FAAH2: variants seen among roughly 807,000 people sequenced by gnomAD.
The protein encoded by FAAH2 is fatty-acid amide hydrolase 2.
In FAAH2, 60 loss-of-function variants were observed where a neutral mutation model predicts 36.9. The observed-to-expected ratio is 1.63, with a 90% confidence interval of 1.32 to 2.02. The LOEUF is 2.02. FAAH2 is among the 30% of genes most tolerant of loss of function. The pLI is 0.00. For missense variants in FAAH2, 689 were observed against 397.5 expected, an observed-to-expected ratio of 1.73 and a Z score of -6.23; for synonymous variants, 214 against 143.8, an observed-to-expected ratio of 1.49 and a Z score of -3.49.
intron 3 of FAAH2, 110 bp from the exon 4 acceptor site, chrX:57,331,488 T>C: frequency 1.7e-6 from 1 of 586,489 alleles, no homozygotes; most frequent in Admixed American, 3.4e-5. Flanking sequence ...CCCAACCCTT[T>C]GTGGGAGATG....
chrX:57,269,445 A>G, the FAAH2 span, among the ~76,000 whole-genome samples: 1 of 111,856 alleles, frequency 8.9e-6, no homozygotes, highest in Non-Finnish European at 1.9e-5. Flanking sequence ...ACCACATGGG[A>G]CATACTCTAA....
At chrX:57,420,794 G>A (rs1326957901) in intron 7 of FAAH2, among the ~76,000 whole-genome samples, 1 of 109,504 alleles carries the variant, frequency 9.1e-6, no homozygotes, top group Non-Finnish European at 1.9e-5. Context: ...TCCCTGTCTT[G>A]TGCCAGTTTT....
intron 1 of FAAH2, among the ~76,000 whole-genome samples, chrX:57,290,744 G>A (rs1053296884): frequency 9.0e-6 from 1 of 110,727 alleles, no homozygotes; most frequent in African/African-American, 3.3e-5. Flanking sequence ...ATTATTTTAA[G>A]TTGAATACCT....
intron 3 of FAAH2, among the ~76,000 whole-genome samples, chrX:57,321,020 G>T (rs1208179342): frequency 1.8e-5 from 2 of 109,750 alleles, no homozygotes; most frequent in African/African-American, 3.3e-5. Flanking sequence ...GGCGCCTGTA[G>T]TCCCAGCTAC....
In FAAH2 at chrX:57,429,037, A is replaced by G. The variant is rs368496940; in HGVS notation, c.997-2881A>G. 3.6e-5 allele frequency among the ~76,000 whole-genome samples: 4 copies of G among 111,748 alleles called. No individual in the cohort carries two copies. In the East Asian group the frequency reaches 8.5e-4, roughly 24 times the overall value. ...AAAGAACTCAGACATCTCAACAACA[A>G]CAAATAATTCTGCCAAGGCCAGGTG... On this transcript the variant is annotated intron_variant, in intron 7 of 10. Coordinates refer to ENST00000374900, the MANE Select transcript of FAAH2 (RefSeq NM_174912.4).
the FAAH2 span, among the ~76,000 whole-genome samples, chrX:57,262,105 A>T: frequency 9.0e-5 from 10 of 111,015 alleles, no homozygotes; most frequent in East Asian, 2.8e-3. Context: ...CTGCTACTAA[A>T]TGCAACTAAA....
At chrX:57,146,003 A>T in the FAAH2 span, among the ~76,000 whole-genome samples, 647 of 101,889 alleles carry the variant, frequency 6.4e-3, 8 homozygotes, top group African/African-American at 0.022. Context: ...ATGCCTCCAA[A>T]TTTTTTTTTT....
the FAAH2 span, among the ~76,000 whole-genome samples, chrX:57,263,999 A>C: frequency 2.7e-5 from 3 of 112,179 alleles, no homozygotes; most frequent in Non-Finnish European, 3.8e-5. Context: ...TAGGTCAACA[A>C]ATTAAAATAC....
At chrX:57,274,331 C>A in the FAAH2 span, among the ~76,000 whole-genome samples, 2 of 111,916 alleles carry the variant, frequency 1.8e-5, no homozygotes, top group Non-Finnish European at 3.8e-5. Context: ...ACCAGAGGAA[C>A]AAAGAGGAGC....
the FAAH2 span, among the ~76,000 whole-genome samples, chrX:57,238,744 C>A: frequency 1.8e-5 from 2 of 111,849 alleles, no homozygotes; most frequent in Admixed American, 1.9e-4. Flanking sequence ...ATTGTTCACC[C>A]AACTATTGAG....
intron 5 of FAAH2, among the ~76,000 whole-genome samples, chrX:57,354,164 T>C (rs2054101684): frequency 1.8e-5 from 2 of 110,988 alleles, no homozygotes; most frequent in African/African-American, 6.5e-5. Flanking sequence ...TTATTCACAA[T>C]AGCAGAGATA....
chrX:57,132,314 G>A, the FAAH2 span, among the ~76,000 whole-genome samples: 1 of 111,869 alleles, frequency 8.9e-6, no homozygotes, highest in Admixed American at 9.4e-5. Flanking sequence ...GAGCGGGGAG[G>A]CCGATAACAA....
In FAAH2 at chrX:57,286,754, G is replaced by T; in HGVS notation, c.-72G>T. 1.0e-6 allele frequency: 1 copy of T among 978,652 alleles called. No homozygotes were observed. Among genetic ancestry groups the T allele is most frequent in the South Asian group, 3.5e-5 (1 of 28,914 alleles). The allele number at this position is 978,652 out of a possible 1,213,427, so 80.7% of individuals were successfully genotyped here. A position where few individuals can be genotyped will look rare whatever the true frequency, so the allele number is the denominator to read the frequency against. On this transcript the variant is annotated 5_prime_UTR_variant, in exon 1 of 11. Coordinates refer to ENST00000374900, the MANE Select transcript of FAAH2 (RefSeq NM_174912.4). Reference sequence around the variant, plus strand: ...AGCTTCATAAGTCCCTCTTTGCTTAGTACTTTTCTCGTCCTTTCCCCAGGG... The same window carrying T: ...AGCTTCATAAGTCCCTCTTTGCTTATTACTTTTCTCGTCCTTTCCCCAGGG...
chrX:57,398,935 A>T (rs1037928581), intron 7 of FAAH2, among the ~76,000 whole-genome samples: 9 of 111,232 alleles, frequency 8.1e-5, no homozygotes, highest in Admixed American at 9.6e-5. Flanking sequence ...AGGTTGGCTG[A>T]TGATCGCTCT....
At chrX:57,161,244 T>C in the FAAH2 span, among the ~76,000 whole-genome samples, 1 of 111,956 alleles carries the variant, frequency 8.9e-6, no homozygotes, top group Non-Finnish European at 1.9e-5. Context: ...ATAATTTCTG[T>C]TCTTTTACAT....
At chrX:57,373,596 T>A (rs1032152464) in intron 5 of FAAH2, among the ~76,000 whole-genome samples, 4 of 111,507 alleles carry the variant, frequency 3.6e-5, no homozygotes, top group African/African-American at 1.3e-4. Flanking sequence ...CTAATTTGTT[T>A]GAGTTCTTTC....
chrX:57,432,329 G>A (rs1332162645), intron 8 of FAAH2, among the ~76,000 whole-genome samples: 1 of 111,146 alleles, frequency 9.0e-6, no homozygotes, highest in Non-Finnish European at 1.9e-5. Context: ...AGGTAGAGAA[G>A]AGATAAAGAT....
At chrX:57,440,799 T>A (rs1331492897) in intron 8 of FAAH2, among the ~76,000 whole-genome samples, 1 of 111,272 alleles carries the variant, frequency 9.0e-6, no homozygotes, top group Non-Finnish European at 1.9e-5. Context: ...TTATGGAGGG[T>A]TTTTAGCATG....
At chrX:57,310,883 G>A (rs1028937054) in intron 3 of FAAH2, among the ~76,000 whole-genome samples, 154 bp downstream of exon 3, 1 of 112,178 alleles carries the variant, frequency 8.9e-6, no homozygotes, top group Non-Finnish European at 1.9e-5. Flanking sequence ...AAGTTCCATT[G>A]GGAAAATAAA....
Sources: allele counts gnomAD v4.1 joint callset (sites outside exome capture counted in the v4.1 genomes callset), GRCh38; gene constraint gnomAD v4.1.1; transcripts MANE v1.5; gene names NCBI Gene and HGNC (gene_info 2026-07-23, HGNC 2026-07-21).